Variants in ARHGAP42 observed in about 807,000 individuals in gnomAD.
ARHGAP42 encodes the protein rho GTPase-activating protein 42.
ARHGAP42 carries 63 observed loss-of-function variants against 125.0 expected under a neutral mutation model. That is an observed-to-expected ratio of 0.50 (90% confidence interval 0.41 to 0.62). The LOEUF (loss-of-function observed/expected upper bound fraction) is 0.62. Ranked by LOEUF, ARHGAP42 falls within the 20% of genes least tolerant of loss-of-function variation. ARHGAP42 has a pLI of 0.00. For synonymous variants in ARHGAP42, 339 were observed against 351.0 expected (o/e 0.97, Z 0.38); for missense variants, 766 against 1,024.2 (o/e 0.75, Z 3.44).
rs143461552 is a variant in ARHGAP42 at position 100,875,073 on chromosome 11, GTC to G, written c.384+15482_384+15483del. On this transcript the variant is annotated intron_variant, in intron 4 of 23. Transcript: ENST00000298815. ...AACTGCTGACTAAATCTAATCCACTGTCTCTCTCTCTCTCTCTCTCTCTCTCT... is the reference window on the plus strand; with the variant it reads ...AACTGCTGACTAAATCTAATCCACTGTCTCTCTCTCTCTCTCTCTCTCTCT... 8.4e-3 allele frequency among the ~76,000 whole-genome samples: 932 copies of G among 110,396 alleles called. 10 individuals are homozygous for G. The highest frequency in any genetic ancestry group is 0.026 in the African/African-American group (715 of 27,738). 72.4% of individuals were successfully genotyped at this position (110,396 alleles called of 152,430 possible). A position where few individuals can be genotyped will look rare whatever the true frequency, so the allele number is the denominator to read the frequency against.
At chr11:100,723,081 T>C (rs1375335062) in intron 1 of ARHGAP42, among the ~76,000 whole-genome samples, 1 of 152,232 alleles carries the variant, frequency 6.6e-6, no homozygotes, top group African/African-American at 2.4e-5. Flanking sequence ...ATATTTTATT[T>C]GCTCCTTTGT....
intron 3 of ARHGAP42, among the ~76,000 whole-genome samples, chr11:100,811,000 G>A (rs891341746): frequency 3.3e-5 from 5 of 152,012 alleles, no homozygotes; most frequent in South Asian, 2.1e-4. Context: ...GTGTTACCCC[G>A]GCTGGAGTGC....
intron 3 of ARHGAP42, among the ~76,000 whole-genome samples, chr11:100,852,645 A>G (rs1029800634): frequency 6.6e-6 from 1 of 152,114 alleles, no homozygotes; most frequent in Non-Finnish European, 1.5e-5. Flanking sequence ...TTGAGGCCCT[A>G]ATTAGCTCAG....
intron 1 of ARHGAP42, among the ~76,000 whole-genome samples, chr11:100,759,203 A>G (rs937862101): frequency 6.6e-6 from 1 of 152,116 alleles, no homozygotes; most frequent in Non-Finnish European, 1.5e-5. Flanking sequence ...CAGATCTTAA[A>G]TGAAAGAACC....
At chr11:100,884,160 C>G (rs1866027384) in intron 4 of ARHGAP42, among the ~76,000 whole-genome samples, 1 of 152,066 alleles carries the variant, frequency 6.6e-6, no homozygotes, top group Admixed American at 6.6e-5. Flanking sequence ...TGTGTAGTTT[C>G]ATAACAAAAA....
chr11:100,734,274 CT>C (rs1014753703), intron 1 of ARHGAP42, among the ~76,000 whole-genome samples: 3 of 151,098 alleles, frequency 2.0e-5, no homozygotes, highest in Non-Finnish European at 2.9e-5. Flanking sequence ...AAATCCACCC[CT>C]TTTTTAAAAT....
At chr11:100,860,169 A>G (rs1468654882) in intron 4 of ARHGAP42, among the ~76,000 whole-genome samples, 8 of 152,104 alleles carry the variant, frequency 5.3e-5, no homozygotes, top group Non-Finnish European at 1.2e-4. Flanking sequence ...GTGCAACATC[A>G]TGGGAGCATA....
chr11:100,929,057 A>G (rs889624354), intron 6 of ARHGAP42, among the ~76,000 whole-genome samples: 34 of 152,178 alleles, frequency 2.2e-4, no homozygotes, highest in African/African-American at 8.0e-4. Flanking sequence ...AATGTTATAA[A>G]CCAGCGGTCC....
chr11:100,742,359 A>G (rs1055560684), intron 1 of ARHGAP42, among the ~76,000 whole-genome samples: 14 of 140,286 alleles, frequency 1.0e-4, no homozygotes, highest in East Asian at 6.2e-4. Context: ...TTCAGTGACT[A>G]ATTGATTTTC....
chr11:100,889,392 C>T lies in ARHGAP42; in HGVS notation c.385-24060C>T, dbSNP rs1315993221. Among the ~76,000 whole-genome samples the T allele has an allele frequency of 7.2e-5, 11 of 152,122 alleles. No individual in the cohort carries two copies. The East Asian group carries it at 2.1e-3, about 29-fold the overall frequency. On this transcript the variant is annotated intron_variant, in intron 4 of 23. Transcript: ENST00000298815. ...CTTTTTGCCCTTTTATACCTTCCGT[C>T]ATATGAGGACACAGAGGAGGAGTGA...
At chr11:100,987,120 A>G (rs996549822) in intron 22 of ARHGAP42, among the ~76,000 whole-genome samples, 1 of 152,206 alleles carries the variant, frequency 6.6e-6, no homozygotes, top group African/African-American at 2.4e-5. Flanking sequence ...AGATAGTCTG[A>G]ACATGAAAGT....
At chr11:100,693,608 G>A (rs780487811) in intron 1 of ARHGAP42, among the ~76,000 whole-genome samples, 2 of 151,948 alleles carry the variant, frequency 1.3e-5, no homozygotes, top group Admixed American at 6.6e-5. Context: ...TCTTTTTTCA[G>A]CCCATTGTAA....
chr11:100,816,448 T>G (rs1035311386), intron 3 of ARHGAP42, among the ~76,000 whole-genome samples: 1 of 151,840 alleles, frequency 6.6e-6, no homozygotes, highest in Admixed American at 6.6e-5. Context: ...TAACAGAGAG[T>G]GAATATTTTA....
At chr11:100,732,177 G>A (rs1450870777) in intron 1 of ARHGAP42, among the ~76,000 whole-genome samples, 3 of 152,040 alleles carry the variant, frequency 2.0e-5, no homozygotes, top group East Asian at 1.9e-4. Flanking sequence ...GGCTGGTCTC[G>A]AACTCCCGAC....
chr11:100,951,369 G>A (rs1011902660), intron 12 of ARHGAP42, among the ~76,000 whole-genome samples: 1 of 151,998 alleles, frequency 6.6e-6, no homozygotes, highest in African/African-American at 2.4e-5. Context: ...TAACCAAATG[G>A]TGAGAGTTTT....
chr11:100,717,943 A>C (rs1591125379), intron 1 of ARHGAP42, among the ~76,000 whole-genome samples: 1 of 151,204 alleles, frequency 6.6e-6, no homozygotes. Context: ...AAAAAAAGAC[A>C]CCGTAGTGTA....
chr11:100,753,901 T>C (rs1300170078), intron 1 of ARHGAP42, among the ~76,000 whole-genome samples: 1 of 152,218 alleles, frequency 6.6e-6, no homozygotes, highest in Non-Finnish European at 1.5e-5. Flanking sequence ...AGCCTGCAGC[T>C]TCTTTCAAAG....
chr11:100,721,655 G>A (rs1370311301), intron 1 of ARHGAP42, among the ~76,000 whole-genome samples: 2 of 151,858 alleles, frequency 1.3e-5, no homozygotes, highest in African/African-American at 4.8e-5. Flanking sequence ...TGTATTTTTA[G>A]TAGGGACAAG....
intron 3 of ARHGAP42, among the ~76,000 whole-genome samples, chr11:100,821,530 T>C (rs1221031581): frequency 6.6e-6 from 1 of 151,528 alleles, no homozygotes; most frequent in Non-Finnish European, 1.5e-5. Flanking sequence ...AGGAGTAAAA[T>C]GTGGCTGTGA....
Sources: allele counts gnomAD v4.1 joint callset (sites outside exome capture counted in the v4.1 genomes callset), GRCh38; gene constraint gnomAD v4.1.1; transcripts MANE v1.5; gene names NCBI Gene and HGNC (gene_info 2026-07-23, HGNC 2026-07-21).